INTS5: variants seen among roughly 807,000 people sequenced by gnomAD.
The protein encoded by INTS5 is KIAA1698.
In INTS5, 29 loss-of-function variants were observed where a neutral mutation model predicts 60.0. That is an observed-to-expected ratio of 0.48 (90% CI 0.36 to 0.66). The LOEUF (loss-of-function observed/expected upper bound fraction) is 0.66, where lower values mean the gene tolerates loss of function less well. Among genes scored for constraint, INTS5 ranks in the 30% least tolerant of loss-of-function variants. The pLI, the probability that INTS5 is intolerant of heterozygous loss-of-function variation, is 0.00. For missense variants in INTS5, 1,129 were observed against 1,307.9 expected, an observed-to-expected ratio of 0.86 and a Z score of 2.11; for synonymous variants, 588 against 558.8, an observed-to-expected ratio of 1.05 and a Z score of -0.74.
In INTS5 at chr11:62,649,267, G is replaced by C. The variant is rs1353505747; in HGVS notation, c.813C>G (p.Pro271=). The C allele has an allele frequency of 1.2e-6, 2 of 1,614,004 alleles. No individual in the cohort carries two copies. Among genetic ancestry groups the C allele is most frequent in the Middle Eastern group, 1.6e-4 (1 of 6,084 alleles). Residue 271 remains proline (P), a synonymous_variant, in exon 2 of 2, where the codon CCC becomes CCG. Transcript: ENST00000330574. The surrounding 1 kb of genome is among the most constrained non-coding windows in gnomAD (Gnocchi z 6.0). ...GSSGGSSSQT[P]STDPFPGSPA... is the part of the protein sequence containing the mutation. ...GAGATCCAGGGAAGGGGTCTGTAGA[G>C]GGGGTCTGAGAAGAGCTTCCACCAC... is the stretch of plus-strand genomic sequence containing the variant.
chr11:62,649,939 G>T lies in INTS5; in HGVS notation c.141C>A (p.Gly47=). 6.2e-7 allele frequency: 1 copy of T among 1,614,164 alleles called. No individual in the cohort carries two copies. The highest frequency in any genetic ancestry group is 1.3e-5 in the African/African-American group (1 of 75,048). ...AFLTGVDPIL[G]HQLSAREHAR... is the part of the protein sequence containing the mutation. ...CATGTTCCCGGGCTGAGAGTTGGTGGCCCAGAATGGGGTCTACGCCAGTCA... is the reference window on the plus strand; with the variant it reads ...CATGTTCCCGGGCTGAGAGTTGGTGTCCCAGAATGGGGTCTACGCCAGTCA... The change falls in exon 2 of 2, where the codon GGC becomes GGA. Residue 47 remains glycine (G), a synonymous_variant. Coordinates refer to ENST00000330574, the MANE Select transcript of INTS5 (RefSeq NM_030628.2). The surrounding 1 kb of genome is among the most constrained non-coding windows in gnomAD (Gnocchi z 6.0).
Position 62,648,579 on chromosome 11 carries a change from G to T in INTS5, c.1501C>A (p.Gln501Lys), listed in dbSNP as rs1197811104. The part of the protein sequence containing the change: ...LERKRFLWQH[Q>K]LLGLLSVYTR... Reference sequence around the variant, plus strand: ...TAGACAGACAGCAGGCCCAAGAGCTGGTGCTGCCAGAGGAAGCGCTTCCGT... The same window carrying T: ...TAGACAGACAGCAGGCCCAAGAGCTTGTGCTGCCAGAGGAAGCGCTTCCGT... Residue 501 changes from glutamine (Q) to lysine (K), a missense_variant, in exon 2 of 2, where the codon CAG becomes AAG. Physicochemically the swap from Gln to Lys is moderately conservative, Grantham distance 53. Around this residue, in one of 3 missense-constraint regions of INTS5, gnomAD observed 1,070 missense variants for 1,246.1 expected, o/e 0.86. Coordinates refer to ENST00000330574, the MANE Select transcript of INTS5 (RefSeq NM_030628.2). The surrounding 1 kb of genome is among the most constrained non-coding windows in gnomAD (Gnocchi z 4.4). 5 of 1,613,984 alleles carry T rather than the reference G, an allele frequency of 3.1e-6. No individual in the cohort carries two copies. Among genetic ancestry groups the T allele is most frequent in the Non-Finnish European group, 4.2e-6 (5 of 1,180,020 alleles).
rs1944580677 is a variant in INTS5, at chr11:62,649,896, G to A, written c.184C>T (p.Leu62=). The part of the protein sequence containing the change: ...AREHARCGLL[L]LRSLPPARAA... ...CGAGCAGGTGGCAAAGAACGGAGCAGGAGAAGACCACAGCGAGCATGTTCC... is the reference window on the plus strand; with the variant it reads ...CGAGCAGGTGGCAAAGAACGGAGCAAGAGAAGACCACAGCGAGCATGTTCC... Residue 62 remains leucine (L), a synonymous_variant, in exon 2 of 2, where the codon CTG becomes TTG. Transcript: ENST00000330574. The surrounding 1 kb of genome is among the most constrained non-coding windows in gnomAD (Gnocchi z 6.0). 1.2e-6 allele frequency: 2 copies of A among 1,614,082 alleles called. No homozygotes were observed. The highest frequency in any genetic ancestry group is 8.5e-7 in the Non-Finnish European group (1 of 1,180,040).
In INTS5 at chr11:62,647,200, G is replaced by T; in HGVS notation, c.2880C>A (p.Phe960Leu). ...LREHGPLPQK[F>L]IFQSERGRFI... ...AGCGACCCCGCTCTGATTGGAAGAT[G>T]AACTTCTGAGGCAAGGGCCCATGCT... Residue 960 changes from phenylalanine to leucine, a missense_variant, in exon 2 of 2, where the codon TTC (phenylalanine) becomes TTA (leucine). By Grantham distance (22) the Phe-to-Leu change is conservative. Around this residue, in one of 3 missense-constraint regions of INTS5, gnomAD observed 1,070 missense variants for 1,246.1 expected, o/e 0.86. Transcript: ENST00000330574. 1.9e-6 allele frequency: 3 copies of T among 1,614,234 alleles called. No individual in the cohort carries two copies. Among genetic ancestry groups the T allele is most frequent in the Non-Finnish European group, 2.5e-6 (3 of 1,180,048 alleles).
rs1177249960 is a variant in INTS5 at position 62,647,360 on chromosome 11, G to A, written c.2720C>T (p.Ser907Phe). 8 of 1,613,608 alleles carry A rather than the reference G, an allele frequency of 5.0e-6. No individual in the cohort carries two copies. Among genetic ancestry groups the A allele is most frequent in the Non-Finnish European group, 5.9e-6 (7 of 1,179,978 alleles). The change falls in exon 2 of 2, where the codon TCC becomes TTC. Residue 907 changes from serine (S) to phenylalanine (F), a missense_variant. Coordinates refer to ENST00000330574, the MANE Select transcript of INTS5 (RefSeq NM_030628.2). ...AGCCATGACAGCCACTAAGGTGCAG[G>A]ATGCCTCCAGGTGCCAGGGGGAGTG... ...TTHSPWHLEA[S>F]CTLVAVMAEG...
intron 1 of INTS5, among the ~76,000 whole-genome samples, chr11:62,652,761 C>CA (rs1461294822): frequency 6.6e-6 from 1 of 152,092 alleles, no homozygotes; most frequent in Admixed American, 6.6e-5. Flanking sequence ...CTGTTTCCTC[C>CA]AAAAAACACC....
intron 1 of INTS5, among the ~76,000 whole-genome samples, chr11:62,652,336 A>C (rs67909703): frequency 0.22 from 33,364 of 151,484 alleles, 4,228 homozygotes; most frequent in Non-Finnish European, 0.3. Context: ...ACAAAAAAAA[A>C]CACACCTTTC....
At position 62,648,395 on chromosome 11, in the gene INTS5, T is replaced by C. The variant is rs779346825; in HGVS notation, c.1685A>G (p.His562Arg). The C allele has an allele frequency of 6.2e-6, 10 of 1,614,058 alleles. No homozygotes were observed. Among genetic ancestry groups the C allele is most frequent in the Admixed American group, 3.3e-5 (2 of 60,008 alleles). ...LAFRSCLARVHAGTLQPPFTA... is the reference protein window; with the variant it reads ...LAFRSCLARVRAGTLQPPFTA... Reference sequence around the variant, plus strand: ...GAAGGGAGGCTGTAATGTCCCTGCATGCACCCGAGCCAGACAGCTTCGGAA... The same window carrying C: ...GAAGGGAGGCTGTAATGTCCCTGCACGCACCCGAGCCAGACAGCTTCGGAA... The change falls in exon 2 of 2, where the codon CAT becomes CGT. Residue 562 changes from histidine to arginine, a missense_variant. Physicochemically the swap from His to Arg is conservative, Grantham distance 29. Around this residue, in one of 3 missense-constraint regions of INTS5, gnomAD observed 1,070 missense variants for 1,246.1 expected, o/e 0.86. Transcript: ENST00000330574. The surrounding 1 kb of genome is among the most constrained non-coding windows in gnomAD (Gnocchi z 4.4).
chr11:62,647,379 G>T lies in INTS5; in HGVS notation c.2701C>A (p.Pro901Thr). 1.2e-6 allele frequency: 2 copies of T among 1,613,222 alleles called. No homozygotes were observed. Among genetic ancestry groups the T allele is most frequent in the Non-Finnish European group, 1.7e-6 (2 of 1,179,714 alleles). Residue 901 changes from proline to threonine, a missense_variant, in exon 2 of 2, where the codon CCC becomes ACC. This residue lies in a region of INTS5 where 1,070 missense variants were observed against 1,246.1 expected (regional missense o/e 0.86). Coordinates refer to ENST00000330574, the MANE Select transcript of INTS5 (RefSeq NM_030628.2). ...ASRHPDTTHS[P>T]WHLEASCTLV... ...GTGCAGGATGCCTCCAGGTGCCAGGGGGAGTGGGTCGTGTCAGGGTGGCGA... is the reference window on the plus strand; with the variant it reads ...GTGCAGGATGCCTCCAGGTGCCAGGTGGAGTGGGTCGTGTCAGGGTGGCGA...
chr11:62,651,367 G>T (rs1590839157), intron 1 of INTS5, among the ~76,000 whole-genome samples: 1 of 150,950 alleles, frequency 6.6e-6, no homozygotes, highest in South Asian at 2.1e-4. Flanking sequence ...CTCCCGCCTC[G>T]TCCTCCCAAA....
Position 62,647,030 on chromosome 11 carries a change from T to C in INTS5, c.3050A>G (p.Gln1017Arg), listed in dbSNP as rs763415718. ...CAGAGCAAGAAAAGGCTACGTCCCC[T>C]GTCGAAGGAGAGTGGACGGTGAAGG... ...QAPSPSTLLR[Q>R]GT is the part of the protein sequence containing the mutation. The change falls in exon 2 of 2, where the codon CAG (glutamine) becomes CGG (arginine). Residue 1017 changes from glutamine (Q) to arginine (R), a missense_variant. Physicochemically the swap from Gln to Arg is conservative, Grantham distance 43. This residue lies in a region of INTS5 where 1,070 missense variants were observed against 1,246.1 expected (regional missense o/e 0.86). Coordinates refer to ENST00000330574, the MANE Select transcript of INTS5 (RefSeq NM_030628.2). 5.0e-6 allele frequency: 8 copies of C among 1,608,892 alleles called. No homozygotes were observed. The highest frequency in any genetic ancestry group is 3.3e-5 in the Admixed American group (2 of 59,774).
chr11:62,652,165 CAA>C (rs559845253), intron 1 of INTS5, among the ~76,000 whole-genome samples: 1 of 131,024 alleles, frequency 7.6e-6, no homozygotes, highest in African/African-American at 2.9e-5. Flanking sequence ...ATTAAAAATA[CAA>C]AAAAAAAAAA....
Position 62,648,289 on chromosome 11 carries a change from C to G in INTS5, c.1791G>C (p.Ala597=). Residue 597 remains alanine (A), a synonymous_variant, in exon 2 of 2, where the codon GCG becomes GCC. Transcript: ENST00000330574. The surrounding 1 kb of genome is among the most constrained non-coding windows in gnomAD (Gnocchi z 4.4). ...QGGEGPAALG[A]HFGESASAHL... ...GGGCTGAGGCAGATTCCCCAAAGTG[C>G]GCCCCTAGGGCTGCAGGGCCCTCGC... 6.2e-7 allele frequency: 1 copy of G among 1,613,772 alleles called. No homozygotes were observed. Among genetic ancestry groups the G allele is most frequent in the Non-Finnish European group, 8.5e-7 (1 of 1,180,022 alleles).
Position 62,647,995 on chromosome 11 carries a change from T to G in INTS5, c.2085A>C (p.Gly695=), listed in dbSNP as rs1282296508. The G allele has an allele frequency of 9.9e-6, 16 of 1,614,124 alleles. No homozygotes were observed. Among genetic ancestry groups the G allele is most frequent in the Non-Finnish European group, 1.4e-5 (16 of 1,180,000 alleles). The part of the protein sequence containing the change: ...LKAVLQLLVE[G]ALHRGNTELF... ...GTTCTGTGTTGCCTCGATGTAAGGC[T>G]CCTTCAACCAGCAGCTGCAGGACAG... Residue 695 remains glycine, a synonymous_variant, in exon 2 of 2, where the codon GGA becomes GGC. Coordinates refer to ENST00000330574, the MANE Select transcript of INTS5 (RefSeq NM_030628.2).
At position 62,649,665 on chromosome 11, in the gene INTS5, C is replaced by T. The variant is rs1944578650; in HGVS notation, c.415G>A (p.Ala139Thr). 1 of 1,614,204 alleles carries T rather than the reference C, an allele frequency of 6.2e-7. No individual in the cohort carries two copies. The highest frequency in any genetic ancestry group is 8.5e-7 in the Non-Finnish European group (1 of 1,180,036). Residue 139 changes from alanine to threonine, a missense_variant, in exon 2 of 2, where the codon GCC (alanine) becomes ACC (threonine). Ala to Thr is a moderately conservative substitution (Grantham distance 58). Around this residue, in one of 3 missense-constraint regions of INTS5, gnomAD observed 1,070 missense variants for 1,246.1 expected, o/e 0.86. Coordinates refer to ENST00000330574, the MANE Select transcript of INTS5 (RefSeq NM_030628.2). The surrounding 1 kb of genome is among the most constrained non-coding windows in gnomAD (Gnocchi z 6.0). ...CATGCACTAATCACAGGTGCCCAGG[C>T]CTTTGGGTTGGCCCGGATAAACTCA... ...LSEFIRANPK[A>T]WAPVISAWSI...
chr11:62,648,020 G>A lies in INTS5; in HGVS notation c.2060C>T (p.Ala687Val). 6.2e-7 allele frequency: 1 copy of A among 1,614,222 alleles called. No individual in the cohort carries two copies. The highest frequency in any genetic ancestry group is 1.1e-5 in the South Asian group (1 of 91,090). ...LSQTSPAGLK[A>V]VLQLLVEGAL... The stretch of plus-strand genomic sequence containing the variant: ...TCCTTCAACCAGCAGCTGCAGGACA[G>A]CCTTGAGCCCAGCTGGGGATGTCTG... The change falls in exon 2 of 2, where the codon GCT becomes GTT. Residue 687 changes from alanine to valine, a missense_variant. Physicochemically the swap from Ala to Val is moderately conservative, Grantham distance 64. This residue lies in a region of INTS5 where 1,070 missense variants were observed against 1,246.1 expected (regional missense o/e 0.86). Coordinates refer to ENST00000330574, the MANE Select transcript of INTS5 (RefSeq NM_030628.2). The surrounding 1 kb of genome is among the most constrained non-coding windows in gnomAD (Gnocchi z 4.4).
intron 1 of INTS5, among the ~76,000 whole-genome samples, chr11:62,652,179 A>AAT (rs1347188642): frequency 6.6e-6 from 1 of 150,744 alleles, no homozygotes; most frequent in African/African-American, 2.4e-5. Flanking sequence ...AAAAAAAAAA[A>AAT]AATAGCCAGG....
chr11:62,650,873 A>C (rs922048045), intron 1 of INTS5, among the ~76,000 whole-genome samples: 5 of 152,054 alleles, frequency 3.3e-5, no homozygotes, highest in African/African-American at 1.2e-4. Context: ...ACACCCAGCT[A>C]ACTTTTTAAC....
At chr11:62,651,622 C>G (rs1243188837) in intron 1 of INTS5, among the ~76,000 whole-genome samples, 3 of 152,118 alleles carry the variant, frequency 2.0e-5, no homozygotes, top group African/African-American at 7.2e-5. Flanking sequence ...CTTTGGGAGG[C>G]CAAGGCTGGT....
Sources: allele counts gnomAD v4.1 joint callset (sites outside exome capture counted in the v4.1 genomes callset), GRCh38; gene constraint gnomAD v4.1.1; regional missense constraint gnomAD v4.1.1; non-coding constraint Gnocchi (gnomAD v3.1); transcripts MANE v1.5; gene names NCBI Gene and HGNC (gene_info 2026-07-23, HGNC 2026-07-21).